BCR: variants seen among roughly 807,000 people sequenced by gnomAD.
BCR encodes breakpoint cluster region protein.
BCR carries 58 observed loss-of-function variants against 138.6 expected under a neutral mutation model. That is an observed-to-expected ratio of 0.42 (90% CI 0.34 to 0.52). BCR has a LOEUF of 0.52. BCR is among the 20% of genes least tolerant of loss of function. BCR has a pLI of 0.06. For missense variants in BCR, 1,599 were observed against 1,727.2 expected (o/e 0.93, Z 1.32); for synonymous variants, 786 against 730.1 (o/e 1.08, Z -1.23).
At chr22:23,275,120 T>C (rs1453025472) in intron 8 of BCR, among the ~76,000 whole-genome samples, 1 of 152,166 alleles carries the variant, frequency 6.6e-6, no homozygotes, top group Admixed American at 6.5e-5. Context: ...ACTTTGGGAA[T>C]GGTACCCTGA....
In BCR at chr22:23,251,652, C is replaced by T. The variant is rs1460607402; in HGVS notation, c.1280-2147C>T. ...TGAGTGCCTGAGGGCAGCCCTGTGC[C>T]CACCCAGCCTGGGTGTGTGTGGTGG... On this transcript the variant is annotated intron_variant, in intron 1 of 22. Transcript: ENST00000305877. Among the ~76,000 whole-genome samples the T allele has an allele frequency of 2.0e-5, 3 of 152,360 alleles. No homozygotes were observed. The East Asian group carries it at 5.8e-4, about 29-fold the overall frequency.
chr22:23,279,632 C>T (rs1188071917), intron 8 of BCR, among the ~76,000 whole-genome samples: 2 of 152,220 alleles, frequency 1.3e-5, no homozygotes, highest in Middle Eastern at 3.2e-3. Context: ...TCACTTGGGC[C>T]GTCTTCCTTC....
At chr22:23,254,685 T>C (rs1340314983) in intron 2 of BCR, 1 of 475,366 alleles carries the variant, frequency 2.1e-6, no homozygotes, top group Non-Finnish European at 4.3e-6. Flanking sequence ...AGGGGGCTGC[T>C]TCAGCAATGC....
intron 1 of BCR, among the ~76,000 whole-genome samples, chr22:23,194,434 G>A (rs955341344): frequency 6.7e-6 from 1 of 148,270 alleles, no homozygotes; most frequent in Non-Finnish European, 1.5e-5. Context: ...TCTTTGAGAT[G>A]GGGTCTCGCT....
chr22:23,290,807 G>A (rs2073777488), intron 14 of BCR: 1 of 240,568 alleles, frequency 4.2e-6, no homozygotes, highest in Admixed American at 4.9e-5. Flanking sequence ...GCTCTGTCGA[G>A]CTGGATGGAT....
chr22:23,313,861 G>A (rs1378542018), intron 20 of BCR, 107 bp from the exon 21 acceptor site: 8 of 906,058 alleles, frequency 8.8e-6, no homozygotes, highest in Admixed American at 3.4e-5. Context: ...GGATGATGAC[G>A]AGCCTGGGCT....
At position 23,260,947 on chromosome 22, in the gene BCR, C is replaced by T; in HGVS notation, c.1462-3C>T. The T allele has an allele frequency of 6.2e-7, 1 of 1,613,538 alleles. No individual in the cohort carries two copies. The highest frequency in any genetic ancestry group is 1.3e-5 in the African/African-American group (1 of 75,046). The stretch of plus-strand genomic sequence containing the variant: ...GGCTGACTTCTGTCTATTTCTCCTG[C>T]AGAGTGAGCTGGACTTGGAAAAGGG... On this transcript the variant is annotated splice_region_variant and splice_polypyrimidine_tract_variant and intron_variant, in intron 2 of 22. Coordinates refer to ENST00000305877, the MANE Select transcript of BCR (RefSeq NM_004327.4).
chr22:23,243,696 T>C (rs531762968), intron 1 of BCR, among the ~76,000 whole-genome samples: 3 of 151,780 alleles, frequency 2.0e-5, no homozygotes, highest in East Asian at 3.9e-4. Context: ...TTGCCCAGGC[T>C]GGAGTGCAGT....
chr22:23,267,508 T>C (rs28480620), intron 4 of BCR, among the ~76,000 whole-genome samples: 1 of 152,164 alleles, frequency 6.6e-6, no homozygotes, highest in Non-Finnish European at 1.5e-5. Context: ...CAAATGCACA[T>C]GGAAATAAAA....
Position 23,181,017 on chromosome 22 carries a change from G to A in BCR, c.57G>A (p.Glu19=), listed in dbSNP as rs781572099. The A allele has an allele frequency of 4.0e-6, 6 of 1,492,766 alleles. No individual in the cohort carries two copies. The highest frequency in any genetic ancestry group is 1.3e-5 in the South Asian group (1 of 77,522). 92.5% of individuals were successfully genotyped at this position (1,492,766 alleles called of 1,614,324 possible). The change falls in exon 1 of 23, where the codon GAG becomes GAA. Residue 19 remains glutamate (E), a synonymous_variant. Transcript: ENST00000305877. The part of the protein sequence containing the change: ...EAWKAQFPDS[E]PPRMELRSVG... ...GGAAGGCGCAGTTCCCGGACTCAGA[G>A]CCCCCGCGCATGGAGCTGCGCTCAG...
At chr22:23,294,171 C>T (rs946355704) in intron 15 of BCR, among the ~76,000 whole-genome samples, 1 of 152,178 alleles carries the variant, frequency 6.6e-6, no homozygotes, top group African/African-American at 2.4e-5. Context: ...CAATTATGGA[C>T]ATCCCACTCC....
At chr22:23,287,952 G>A (rs1477570399) in intron 11 of BCR, 145 bp from the exon 12 acceptor site, 11 of 743,228 alleles carry the variant, frequency 1.5e-5, no homozygotes, top group Non-Finnish European at 2.1e-5. Flanking sequence ...TGCCGGAAGC[G>A]ACATGCCAGG....
At position 23,181,149 on chromosome 22, in the gene BCR, G is replaced by C; in HGVS notation, c.189G>C (p.Leu63=). Reference sequence around the variant, plus strand: ...GCATGATCTACCTGCAGACGTTGCTGGCCAAGGAAAAGAAGAGCTATGACC... The same window carrying C: ...GCATGATCTACCTGCAGACGTTGCTCGCCAAGGAAAAGAAGAGCTATGACC... ...RFRMIYLQTL[L]AKEKKSYDRQ... The change falls in exon 1 of 23, where the codon CTG becomes CTC. Residue 63 remains leucine (L), a synonymous_variant. Transcript: ENST00000305877. 6.9e-7 allele frequency: 1 copy of C among 1,459,428 alleles called. No individual in the cohort carries two copies. Among genetic ancestry groups the C allele is most frequent in the South Asian group, 1.3e-5 (1 of 74,726 alleles). 90.4% of individuals were successfully genotyped at this position (1,459,428 alleles called of 1,614,324 possible). A position where few individuals can be genotyped will look rare whatever the true frequency, so the allele number is the denominator to read the frequency against.
At chr22:23,213,007 G>T (rs2072704782) in intron 1 of BCR, among the ~76,000 whole-genome samples, 1 of 152,174 alleles carries the variant, frequency 6.6e-6, no homozygotes, top group Admixed American at 6.5e-5. Context: ...AATCAGATGG[G>T]CATTCTCTCT....
At position 23,207,254 on chromosome 22, in the gene BCR, G is replaced by A. The variant is rs1032172242; in HGVS notation, c.1279+25015G>A. Among the ~76,000 whole-genome samples the A allele has an allele frequency of 1.3e-5, 2 of 152,144 alleles. 1 individual carries two copies. Among genetic ancestry groups the A allele is most frequent in the African/African-American group, 4.8e-5 (2 of 41,420 alleles). On this transcript the variant is annotated intron_variant, in intron 1 of 22. Coordinates refer to ENST00000305877, the MANE Select transcript of BCR (RefSeq NM_004327.4). ...TAAAGGGGTGCTGGGATGGAAGTGAGTACCAACCAGGCACTGAGAAGTGAC... is the reference window on the plus strand; with the variant it reads ...TAAAGGGGTGCTGGGATGGAAGTGAATACCAACCAGGCACTGAGAAGTGAC...
chr22:23,317,887 C>T lies in BCR; in HGVS notation c.*2365C>T, dbSNP rs2074089866. 1 of 145,120 alleles carries T rather than the reference C, an allele frequency of 6.9e-6. No homozygotes were observed. The highest frequency in any genetic ancestry group is 7.9e-5 in the Admixed American group (1 of 12,600). 9.0% of individuals were successfully genotyped at this position (145,120 alleles called of 1,614,324 possible). A position where few individuals can be genotyped will look rare whatever the true frequency, so the allele number is the denominator to read the frequency against. On this transcript the variant is annotated 3_prime_UTR_variant, in exon 23 of 23. Transcript: ENST00000305877. ...AGGCGTGGCTTCCAGACTCCCCGGC[C>T]GGAAGTGATGCTTTTTTGCCTTGGG...
intron 16 of BCR, among the ~76,000 whole-genome samples, chr22:23,308,768 T>A (rs2073975661): frequency 1.3e-5 from 2 of 152,188 alleles, no homozygotes; most frequent in Admixed American, 1.3e-4. Context: ...GGGTGTTACA[T>A]ACCAGGACAG....
In BCR at chr22:23,273,739, C is replaced by T. The variant is rs1337299573; in HGVS notation, c.2080C>T (p.Pro694Ser). 1.2e-6 allele frequency: 2 copies of T among 1,614,146 alleles called. No homozygotes were observed. Among genetic ancestry groups the T allele is most frequent in the African/African-American group, 1.3e-5 (1 of 75,066 alleles). ...FLSSINEEIT[P>S]RRQSMTVKKG... ...GTCCAGCATCAATGAGGAGATCACA[C>T]CCCGACGGCAGTCCATGACGGTGAA... is the stretch of plus-strand genomic sequence containing the variant. The change falls in exon 8 of 23, where the codon CCC becomes TCC. Residue 694 changes from proline to serine, a missense_variant. Around this residue, in one of 4 missense-constraint regions of BCR, gnomAD observed 590 missense variants for 762.4 expected, o/e 0.77. Transcript: ENST00000305877.
intron 1 of BCR, among the ~76,000 whole-genome samples, chr22:23,224,998 C>T (rs1314007991): frequency 1.3e-5 from 2 of 151,878 alleles, no homozygotes; most frequent in Non-Finnish European, 2.9e-5. Context: ...TCGGAGACAG[C>T]CACCGAGACC....
Sources: allele counts gnomAD v4.1 joint callset (sites outside exome capture counted in the v4.1 genomes callset), GRCh38; gene constraint gnomAD v4.1.1; regional missense constraint gnomAD v4.1.1; transcripts MANE v1.5; gene names NCBI Gene and HGNC (gene_info 2026-07-23, HGNC 2026-07-21).